Variants in NELL1 observed in about 807,000 individuals in gnomAD.
NELL1 encodes the protein protein kinase C-binding protein NELL1.
A neutral mutation model predicts 107.4 loss-of-function variants in NELL1; 76 were observed. That is an observed-to-expected ratio of 0.71 (90% CI 0.59 to 0.86). The LOEUF (loss-of-function observed/expected upper bound fraction) is 0.86, where lower values mean the gene tolerates loss of function less well. Ranked by LOEUF, NELL1 falls within the 40% of genes least tolerant of loss-of-function variation. The probability of loss-of-function intolerance (pLI) is 0.00; values close to 1 mark genes in which losing one functional copy is unlikely to be tolerated. For synonymous variants in NELL1, 353 were observed against 341.2 expected, an observed-to-expected ratio of 1.03 and a Z score of -0.38; for missense variants, 1,024 against 1,005.5, an observed-to-expected ratio of 1.02 and a Z score of -0.25.
intron 15 of NELL1, among the ~76,000 whole-genome samples, chr11:21,510,351 G>A (rs1054217459): frequency 6.6e-6 from 1 of 152,166 alleles, no homozygotes; most frequent in African/African-American, 2.4e-5. Context: ...TGTGGAATTT[G>A]TAGAGCATTT....
chr11:20,808,351 G>A (rs920220335), intron 3 of NELL1, among the ~76,000 whole-genome samples: 39 of 152,154 alleles, frequency 2.6e-4, no homozygotes, highest in African/African-American at 9.4e-4. Context: ...TCTGCCTGGT[G>A]TCCTATCCTA....
At chr11:21,506,450 CTG>C (rs1351804716) in intron 15 of NELL1, among the ~76,000 whole-genome samples, 1 of 152,128 alleles carries the variant, frequency 6.6e-6, no homozygotes, top group Non-Finnish European at 1.5e-5. Flanking sequence ...TATAATGACT[CTG>C]TGCTCTTTAG....
intron 15 of NELL1, among the ~76,000 whole-genome samples, chr11:21,510,053 G>A (rs911366694): frequency 1.3e-5 from 2 of 152,126 alleles, no homozygotes; most frequent in Non-Finnish European, 2.9e-5. Context: ...AAATACCTGG[G>A]GGCTAAGGCC....
chr11:20,874,819 C>T (rs1849272302), intron 4 of NELL1, among the ~76,000 whole-genome samples: 1 of 152,172 alleles, frequency 6.6e-6, no homozygotes, highest in Non-Finnish European at 1.5e-5. Flanking sequence ...TCAATTTTCC[C>T]TCTTGGTGCT....
chr11:21,424,178 G>A (rs1003402415), intron 15 of NELL1, among the ~76,000 whole-genome samples: 5 of 152,082 alleles, frequency 3.3e-5, no homozygotes, highest in African/African-American at 1.2e-4. Context: ...GAAATCAAAA[G>A]TTGATTTTTC....
intron 3 of NELL1, among the ~76,000 whole-genome samples, chr11:20,830,846 A>T (rs1227937957): frequency 1.3e-5 from 2 of 152,154 alleles, no homozygotes; most frequent in Non-Finnish European, 2.9e-5. Context: ...ACTATGTGAA[A>T]GGCACCCATT....
intron 15 of NELL1, among the ~76,000 whole-genome samples, chr11:21,454,475 C>T (rs1435056940): frequency 1.3e-5 from 2 of 152,152 alleles, no homozygotes; most frequent in Admixed American, 6.5e-5. Context: ...AGCCTCTCTG[C>T]TGTTTTTCTC....
At chr11:21,511,657 T>C (rs1855438867) in intron 15 of NELL1, among the ~76,000 whole-genome samples, 1 of 152,140 alleles carries the variant, frequency 6.6e-6, no homozygotes, top group Non-Finnish European at 1.5e-5. Context: ...GCATTTGAAC[T>C]GCGAGCTAAA....
intron 14 of NELL1, among the ~76,000 whole-genome samples, chr11:21,307,949 C>A (rs563042940): frequency 6.6e-6 from 1 of 151,988 alleles, no homozygotes; most frequent in South Asian, 2.1e-4. Flanking sequence ...AGATTTAGGG[C>A]CATTTGTCAT....
intron 12 of NELL1, among the ~76,000 whole-genome samples, chr11:20,961,963 C>T (rs1355279982): frequency 5.3e-5 from 8 of 152,068 alleles, no homozygotes; most frequent in Non-Finnish European, 1.2e-4. Flanking sequence ...TAGGAACCCT[C>T]TGTTTTTTTC....
chr11:20,996,765 A>G (rs1852099190), intron 12 of NELL1, among the ~76,000 whole-genome samples: 1 of 152,082 alleles, frequency 6.6e-6, no homozygotes, highest in Admixed American at 6.6e-5. Context: ...TGAGTAGCAA[A>G]TTCTTTGTTC....
chr11:21,084,650 G>A (rs747637357), intron 12 of NELL1, among the ~76,000 whole-genome samples: 8 of 152,164 alleles, frequency 5.3e-5, no homozygotes, highest in Non-Finnish European at 1.0e-4. Context: ...TTCCGGATGA[G>A]TGCCATTTAT....
chr11:21,369,825 A>G (rs994099051), intron 14 of NELL1, among the ~76,000 whole-genome samples: 3 of 152,106 alleles, frequency 2.0e-5, no homozygotes, highest in South Asian at 4.1e-4. Context: ...GCAAGGTTTG[A>G]TATTAAATTA....
intron 13 of NELL1, among the ~76,000 whole-genome samples, chr11:21,186,687 T>A (rs1856942410): frequency 6.6e-6 from 1 of 151,874 alleles, no homozygotes; most frequent in African/African-American, 2.4e-5. Flanking sequence ...TAATGTTATT[T>A]ACTGGAGGAA....
At chr11:20,772,120 A>G (rs1484337716) in intron 2 of NELL1, among the ~76,000 whole-genome samples, 3 of 152,222 alleles carry the variant, frequency 2.0e-5, no homozygotes, top group Non-Finnish European at 4.4e-5. Context: ...TGTCTCTTTC[A>G]TGCCTGAGAA....
intron 3 of NELL1, among the ~76,000 whole-genome samples, chr11:20,797,214 C>A (rs996262555): frequency 6.6e-6 from 1 of 152,094 alleles, no homozygotes; most frequent in Non-Finnish European, 1.5e-5. Flanking sequence ...TTAGAAAGAC[C>A]ACACTGGCTG....
At chr11:21,339,787 C>A (rs1212714413) in intron 14 of NELL1, among the ~76,000 whole-genome samples, 1 of 152,136 alleles carries the variant, frequency 6.6e-6, no homozygotes, top group Non-Finnish European at 1.5e-5. Flanking sequence ...TTTAGGGCCA[C>A]CTTCATCATG....
At chr11:20,790,786 C>T (rs1857058570) in intron 3 of NELL1, among the ~76,000 whole-genome samples, 1 of 152,184 alleles carries the variant, frequency 6.6e-6, no homozygotes. Flanking sequence ...GAACTTCTAC[C>T]CCAACTTGGA....
At chr11:21,017,506 G>T (rs1043939332) in intron 12 of NELL1, among the ~76,000 whole-genome samples, 3 of 151,982 alleles carry the variant, frequency 2.0e-5, no homozygotes, top group Non-Finnish European at 4.4e-5. Flanking sequence ...ACATGGAGTG[G>T]CTTCTGTTTT....
Sources: allele counts gnomAD v4.1 joint callset (sites outside exome capture counted in the v4.1 genomes callset), GRCh38; gene constraint gnomAD v4.1.1; transcripts MANE v1.5; gene names NCBI Gene and HGNC (gene_info 2026-07-23, HGNC 2026-07-21).